The following ANO6 variants were observed in gnomAD, a reference collection of about 807,000 sequenced individuals.
ANO6 encodes the protein anoctamin-6.
ANO6 carries 106 observed loss-of-function variants against 117.5 expected under a neutral mutation model. The ratio of observed to expected loss-of-function variants is 0.90; its 90% CI spans 0.77 to 1.06. The LOEUF is 1.06. Among genes scored for constraint, ANO6 ranks in the 50% least tolerant of loss-of-function variants. ANO6 has a pLI of 0.00. For synonymous variants in ANO6, 367 were observed against 385.1 expected (o/e 0.95, Z 0.55); for missense variants, 955 against 1,121.1 (o/e 0.85, Z 2.12).
intron 16 of ANO6, among the ~76,000 whole-genome samples, chr12:45,413,950 G>T (rs1943151575): frequency 6.6e-6 from 1 of 152,030 alleles, no homozygotes; most frequent in African/African-American, 2.4e-5. Context: ...CACAGCAGGG[G>T]GACTGTTTGA....
At chr12:45,291,346 C>CAAAA (rs747924513) in intron 1 of ANO6, among the ~76,000 whole-genome samples, 4 of 48,164 alleles carry the variant, frequency 8.3e-5, no homozygotes, top group East Asian at 6.6e-4. Context: ...AACTCCGTCT[C>CAAAA]AAAAAAAAAA....
chr12:45,303,080 A>G (rs1324446433), intron 2 of ANO6, among the ~76,000 whole-genome samples: 10 of 152,344 alleles, frequency 6.6e-5, no homozygotes, highest in Non-Finnish European at 1.5e-5. Context: ...TAAAGAAACT[A>G]GAGAGTGCTC....
At chr12:45,262,555 G>C (rs551867152) in intron 1 of ANO6, among the ~76,000 whole-genome samples, 1 of 152,118 alleles carries the variant, frequency 6.6e-6, no homozygotes, top group Non-Finnish European at 1.5e-5. Context: ...CTCCCGAGCA[G>C]CTGGGATTAC....
Position 45,402,095 on chromosome 12 carries a change from T to G in ANO6, c.1612+75T>G. Reference sequence around the variant, plus strand: ...GCCAAAAATAGAGACTGTTATCTTTTAGGCGTTTCAATTCCAGTAGGTTAC... The same window carrying G: ...GCCAAAAATAGAGACTGTTATCTTTGAGGCGTTTCAATTCCAGTAGGTTAC... On this transcript the variant is annotated intron_variant, in intron 13 of 19. Transcript: ENST00000320560. The G allele has an allele frequency of 2.3e-6, 3 of 1,314,606 alleles. No homozygotes were observed. The South Asian group carries it at 3.7e-5, about 16-fold the overall frequency. The allele number at this position is 1,314,606 out of a possible 1,614,324, so 81.4% of individuals were successfully genotyped here. A position where few individuals can be genotyped will look rare whatever the true frequency, so the allele number is the denominator to read the frequency against.
rs1401083999 is a variant in ANO6, at chr12:45,430,980, G to C, written c.*1669G>C. The C allele has an allele frequency of 1.0e-6, 1 of 985,320 alleles. No homozygotes were observed. The highest frequency in any genetic ancestry group is 1.2e-6 in the Non-Finnish European group (1 of 829,954). The allele number at this position is 985,320 out of a possible 1,614,324, so 61.0% of individuals were successfully genotyped here. On this transcript the variant is annotated 3_prime_UTR_variant, in exon 20 of 20. Transcript: ENST00000320560. Reference sequence around the variant, plus strand: ...GCAGCAAAGGAAAACTCAGATTTTAGAGGCTTTTTACAATAAAGTAGCGTA... The same window carrying C: ...GCAGCAAAGGAAAACTCAGATTTTACAGGCTTTTTACAATAAAGTAGCGTA...
intron 3 of ANO6, among the ~76,000 whole-genome samples, chr12:45,339,789 G>A (rs1024104493): frequency 2.0e-5 from 3 of 151,966 alleles, no homozygotes; most frequent in African/African-American, 7.3e-5. Context: ...TACCTATGAT[G>A]TATTTCTCTT....
intron 10 of ANO6, among the ~76,000 whole-genome samples, chr12:45,381,110 A>T (rs910176475): frequency 2.0e-5 from 3 of 152,158 alleles, no homozygotes; most frequent in Non-Finnish European, 4.4e-5. Context: ...ATTCCCATCT[A>T]CCAGAGTGTG....
chr12:45,285,812 G>T (rs76788154), intron 1 of ANO6, among the ~76,000 whole-genome samples: 2,642 of 152,272 alleles, frequency 0.017, 55 homozygotes, highest in East Asian at 0.085. Flanking sequence ...CTGGAGAGGA[G>T]GTCATTGTGA....
intron 1 of ANO6, among the ~76,000 whole-genome samples, chr12:45,258,302 C>T (rs1057351992): frequency 6.6e-6 from 1 of 152,152 alleles, no homozygotes; most frequent in African/African-American, 2.4e-5. Flanking sequence ...CAGTTACATA[C>T]ACATGCATAC....
chr12:45,227,672 G>C (rs185323527), intron 1 of ANO6, among the ~76,000 whole-genome samples: 1 of 151,524 alleles, frequency 6.6e-6, no homozygotes, highest in Admixed American at 6.6e-5. Flanking sequence ...TTTAACTCCT[G>C]ATCACTAAGT....
At chr12:45,354,137 G>C (rs1941352628) in intron 7 of ANO6, among the ~76,000 whole-genome samples, 1 of 152,152 alleles carries the variant, frequency 6.6e-6, no homozygotes, top group East Asian at 1.9e-4. Context: ...AGAGCCTGCT[G>C]AGTACCCAGC....
chr12:45,249,473 A>G (rs1947871250), intron 1 of ANO6, among the ~76,000 whole-genome samples: 1 of 152,174 alleles, frequency 6.6e-6, no homozygotes, highest in Admixed American at 6.5e-5. Flanking sequence ...TTTTGGTGTA[A>G]TAGAATTCTT....
rs768662647 is a variant in ANO6, at chr12:45,348,295, C to G, written c.613C>G (p.Pro205Ala). 1.9e-6 allele frequency: 3 copies of G among 1,613,920 alleles called. No homozygotes were observed. In the African/African-American group the frequency reaches 4.0e-5, roughly 22 times the overall value. ...YIVDRDAFFN[P>A]ATRSRIVYFI... ...AGTTGATAGAGATGCTTTCTTCAATCCAGCCACCAGAAGCCGCATTGTAAG... is the reference window on the plus strand; with the variant it reads ...AGTTGATAGAGATGCTTTCTTCAATGCAGCCACCAGAAGCCGCATTGTAAG... Residue 205 changes from proline (P) to alanine (A), a missense_variant, in exon 5 of 20, where the codon CCA becomes GCA. By Grantham distance (27) the Pro-to-Ala change is conservative (BLOSUM62 -1). Coordinates refer to ENST00000320560, the MANE Select transcript of ANO6 (RefSeq NM_001025356.3).
intron 19 of ANO6, among the ~76,000 whole-genome samples, chr12:45,428,629 T>G (rs1400480735): frequency 6.6e-6 from 1 of 152,076 alleles, no homozygotes; most frequent in East Asian, 1.9e-4. Flanking sequence ...ATCATAAAGG[T>G]GAAGTCAAGG....
chr12:45,372,633 A>G (rs1941878563), intron 9 of ANO6, among the ~76,000 whole-genome samples: 1 of 151,110 alleles, frequency 6.6e-6, no homozygotes, highest in African/African-American at 2.4e-5. Context: ...TGAAGGAGAA[A>G]TAAAATCCTT....
rs1943647002 is a variant in ANO6, at chr12:45,432,137, AT to A, written c.*2827del. On this transcript the variant is annotated 3_prime_UTR_variant, in exon 20 of 20. Transcript: ENST00000320560. Reference sequence around the variant, plus strand: ...TCTTGTACCATTTTATGTTCATATTATGTTTGAGAGGGTAAAAATGTATGAG... The same window carrying A: ...TCTTGTACCATTTTATGTTCATATTAGTTTGAGAGGGTAAAAATGTATGAG... 1.5e-5 allele frequency: 15 copies of A among 985,254 alleles called. No individual in the cohort carries two copies. Among genetic ancestry groups the A allele is most frequent in the Middle Eastern group, 5.2e-4 (1 of 1,936 alleles). The allele number at this position is 985,254 out of a possible 1,614,324, so 61.0% of individuals were successfully genotyped here. A position where few individuals can be genotyped will look rare whatever the true frequency, so the allele number is the denominator to read the frequency against.
chr12:45,270,523 G>T, intron 1 of ANO6: 2 of 1,125,876 alleles, frequency 1.8e-6, no homozygotes, highest in Non-Finnish European at 2.5e-6. Flanking sequence ...CATCCAGCCT[G>T]GGTAAGATCC....
rs557258037 is a variant in ANO6 at position 45,292,585 on chromosome 12, A to G, written c.71-9429A>G. ...GAGTTTTTCTATAAAAGCATTAGGTAATCCAGTTGTGTGTGAGAATCAGTA... is the reference window on the plus strand; with the variant it reads ...GAGTTTTTCTATAAAAGCATTAGGTGATCCAGTTGTGTGTGAGAATCAGTA... On this transcript the variant is annotated intron_variant, in intron 1 of 19. Transcript: ENST00000320560. The G allele has an allele frequency of 1.3e-4, 123 of 959,496 alleles. No individual in the cohort carries two copies. In the African/African-American group the frequency reaches 1.8e-3, roughly 14 times the overall value. 59.4% of individuals were successfully genotyped at this position (959,496 alleles called of 1,614,324 possible).
intron 1 of ANO6, among the ~76,000 whole-genome samples, chr12:45,243,101 G>A (rs1182438522): frequency 6.6e-6 from 1 of 152,160 alleles, no homozygotes; most frequent in East Asian, 1.9e-4. Context: ...GATTGCTTGA[G>A]CCTAGCCAAG....
Sources: allele counts gnomAD v4.1 joint callset (sites outside exome capture counted in the v4.1 genomes callset), GRCh38; gene constraint gnomAD v4.1.1; transcripts MANE v1.5; gene names NCBI Gene and HGNC (gene_info 2026-07-23, HGNC 2026-07-21).